The following CDH18 variants were observed in gnomAD, a reference collection of about 807,000 sequenced individuals.
CDH18 encodes the protein cadherin 18, also known as cadherin-18.
Under a neutral mutation model 67.9 loss-of-function variants are expected in CDH18, and 31 were observed. That is an observed-to-expected ratio of 0.46 (90% CI 0.34 to 0.62). CDH18 has a LOEUF of 0.62. CDH18 is among the 20% of genes least tolerant of loss of function. CDH18 has a pLI of 0.01. For missense variants in CDH18, 890 were observed against 975.5 expected (o/e 0.91, Z 1.17); for synonymous variants, 362 against 347.2 (o/e 1.04, Z -0.48).
At chr5:19,941,203 G>T (rs1263929046) in intron 2 of CDH18, among the ~76,000 whole-genome samples, 2 of 152,020 alleles carry the variant, frequency 1.3e-5, no homozygotes, top group Non-Finnish European at 2.9e-5. Flanking sequence ...CGAGGAAAGA[G>T]TGAGAAGTCT....
chr5:19,584,443 G>C (rs925016208), intron 7 of CDH18, among the ~76,000 whole-genome samples: 3 of 152,092 alleles, frequency 2.0e-5, no homozygotes, highest in Non-Finnish European at 4.4e-5. Flanking sequence ...TTTAAGAACT[G>C]TTTTATCTTT....
chr5:20,003,771 G>A (rs941046303), intron 2 of CDH18, among the ~76,000 whole-genome samples: 1 of 152,036 alleles, frequency 6.6e-6, no homozygotes, highest in Middle Eastern at 3.2e-3. Context: ...GGTGGCGGGC[G>A]CCTGTAGTCC....
intron 1 of CDH18, among the ~76,000 whole-genome samples, chr5:20,368,456 A>G (rs1742697663): frequency 6.6e-6 from 1 of 152,200 alleles, no homozygotes; most frequent in Non-Finnish European, 1.5e-5. Flanking sequence ...TCCATAGTAC[A>G]CAATGCAAAG....
At chr5:20,437,075 TTAGA>T (rs1207918635) in intron 1 of CDH18, among the ~76,000 whole-genome samples, 1 of 151,486 alleles carries the variant, frequency 6.6e-6, no homozygotes, top group Non-Finnish European at 1.5e-5. Context: ...TAACAAATTG[TTAGA>T]TAGACAAAGA....
At chr5:20,042,181 C>T (rs960854580) in intron 2 of CDH18, among the ~76,000 whole-genome samples, 2 of 152,146 alleles carry the variant, frequency 1.3e-5, no homozygotes, top group Non-Finnish European at 2.9e-5. Context: ...GAGGAGTAGC[C>T]TCTTAATAAG....
chr5:19,854,560 C>T (rs977549318), intron 2 of CDH18, among the ~76,000 whole-genome samples: 1 of 151,922 alleles, frequency 6.6e-6, no homozygotes. Context: ...TAATGTAATA[C>T]TTAGCACTAT....
At chr5:20,378,934 G>A (rs942291202) in intron 1 of CDH18, among the ~76,000 whole-genome samples, 1 of 152,076 alleles carries the variant, frequency 6.6e-6, no homozygotes, top group Non-Finnish European at 1.5e-5. Context: ...ACAGTATCCA[G>A]AAATATTGAC....
intron 1 of CDH18, among the ~76,000 whole-genome samples, chr5:20,263,477 A>ACT (rs1421514293): frequency 6.6e-6 from 1 of 152,190 alleles, no homozygotes; most frequent in Non-Finnish European, 1.5e-5. Context: ...ATTTGACAGT[A>ACT]CTGTAACCCT....
At chr5:20,148,117 A>G (rs1750805032) in intron 2 of CDH18, among the ~76,000 whole-genome samples, 1 of 150,208 alleles carries the variant, frequency 6.7e-6, no homozygotes, top group African/African-American at 2.4e-5. Context: ...TTTGAGACAG[A>G]GTCTCGCTCT....
chr5:19,482,888 C>G (rs1739702303), intron 12 of CDH18, among the ~76,000 whole-genome samples: 1 of 151,796 alleles, frequency 6.6e-6, no homozygotes, highest in South Asian at 2.1e-4. Flanking sequence ...GCCATATGAC[C>G]CTCACCCTCA....
intron 2 of CDH18, chr5:19,886,196 C>T (rs1309567393): frequency 6.6e-6 from 1 of 152,124 alleles, no homozygotes; most frequent in Non-Finnish European, 1.5e-5. Context: ...TGAATAAAGC[C>T]AGCTGACAAT....
At chr5:19,886,468 A>G (rs1307560235) in intron 2 of CDH18, among the ~76,000 whole-genome samples, 2 of 152,142 alleles carry the variant, frequency 1.3e-5, no homozygotes, top group African/African-American at 4.8e-5. Flanking sequence ...TGAAGAAGCA[A>G]CCCTAAATTC....
chr5:19,626,760 A>G (rs1468143152), intron 5 of CDH18, among the ~76,000 whole-genome samples: 2 of 152,106 alleles, frequency 1.3e-5, no homozygotes, highest in Non-Finnish European at 2.9e-5. Flanking sequence ...GTTGTTGTTA[A>G]TTGCTGAGGA....
At chr5:19,602,878 T>C (rs1288165174) in intron 6 of CDH18, among the ~76,000 whole-genome samples, 1 of 151,880 alleles carries the variant, frequency 6.6e-6, no homozygotes, top group Non-Finnish European at 1.5e-5. Context: ...GGCAGAAGAA[T>C]CCCTTGAATC....
intron 2 of CDH18, among the ~76,000 whole-genome samples, chr5:20,240,274 TA>T (rs879789960): frequency 5.6e-4 from 42 of 75,216 alleles, no homozygotes; most frequent in Non-Finnish European, 9.1e-4. Context: ...TTAGCAGTAC[TA>T]AAAAAAAGTT....
intron 2 of CDH18, among the ~76,000 whole-genome samples, chr5:20,021,068 T>C (rs1346384816): frequency 6.6e-6 from 1 of 151,872 alleles, no homozygotes; most frequent in Non-Finnish European, 1.5e-5. Flanking sequence ...TCAAAGGAGA[T>C]TATTTTGGAG....
intron 1 of CDH18, among the ~76,000 whole-genome samples, chr5:20,479,938 A>T (rs1752680291): frequency 6.6e-6 from 1 of 152,224 alleles, no homozygotes; most frequent in South Asian, 2.1e-4. Flanking sequence ...CTGGCAGCAG[A>T]CTTTTCAATA....
At chr5:19,801,619 T>G (rs2149850211) in intron 3 of CDH18, among the ~76,000 whole-genome samples, 1 of 152,334 alleles carries the variant, frequency 6.6e-6, no homozygotes, top group Admixed American at 6.5e-5. Flanking sequence ...AGACACATAC[T>G]TTATTCATAT....
At chr5:19,597,872 T>C (rs1025215355) in intron 6 of CDH18, among the ~76,000 whole-genome samples, 1 of 152,190 alleles carries the variant, frequency 6.6e-6, no homozygotes, top group African/African-American at 2.4e-5. Context: ...AGATTTTATG[T>C]TTATATTCAT....
Sources: allele counts gnomAD v4.1 joint callset (sites outside exome capture counted in the v4.1 genomes callset), GRCh38; gene constraint gnomAD v4.1.1; transcripts MANE v1.5; gene names NCBI Gene and HGNC (gene_info 2026-07-23, HGNC 2026-07-21).